SPATA18: variants seen among roughly 807,000 people sequenced by gnomAD.
The protein encoded by SPATA18 is spermatogenesis associated 18, also known as mitochondria-eating protein.
In SPATA18, 54 loss-of-function variants were observed where a neutral mutation model predicts 68.1. The observed-to-expected ratio is 0.79, with a 90% confidence interval of 0.64 to 0.99. The LOEUF (loss-of-function observed/expected upper bound fraction) is 0.99. Ranked by LOEUF, SPATA18 falls within the 50% of genes least tolerant of loss-of-function variation. The pLI is 0.00. For missense variants in SPATA18, 724 were observed against 681.1 expected, an observed-to-expected ratio of 1.06 and a Z score of -0.70; for synonymous variants, 242 against 244.8, an observed-to-expected ratio of 0.99 and a Z score of 0.11.
At chr4:52,060,016 T>C (rs1421396710) in intron 1 of SPATA18, among the ~76,000 whole-genome samples, 1 of 152,222 alleles carries the variant, frequency 6.6e-6, no homozygotes, top group African/African-American at 2.4e-5. Flanking sequence ...GACAATTCAG[T>C]GCAAGCATTC....
At chr4:52,073,261 T>A (rs949887352) in intron 6 of SPATA18, among the ~76,000 whole-genome samples, 9 of 152,196 alleles carry the variant, frequency 5.9e-5, no homozygotes, top group African/African-American at 2.2e-4. Flanking sequence ...CAACCCAACC[T>A]CCCTGACTGT....
intron 6 of SPATA18, among the ~76,000 whole-genome samples, 160 bp downstream of exon 6, chr4:52,072,316 C>T (rs1739934619): frequency 6.6e-6 from 1 of 152,156 alleles, no homozygotes; most frequent in Admixed American, 6.5e-5. Flanking sequence ...CTTAACTGCA[C>T]CCCTTCCAGA....
At chr4:52,064,311 A>G (rs1474413168) in intron 4 of SPATA18, among the ~76,000 whole-genome samples, 1 of 152,006 alleles carries the variant, frequency 6.6e-6, no homozygotes, top group African/African-American at 2.4e-5. Flanking sequence ...TTGGAGAACA[A>G]GTGGTATTTG....
At position 52,065,430 on chromosome 4, in the gene SPATA18, G is replaced by C. The variant is rs998637549; in HGVS notation, c.422+3098G>C. ...AGACTGTTTGTGGTTTCAGCTCTTAGATATAAGTCTTTGATCCATCTTGAG... is the reference window on the plus strand; with the variant it reads ...AGACTGTTTGTGGTTTCAGCTCTTACATATAAGTCTTTGATCCATCTTGAG... On this transcript the variant is annotated intron_variant, in intron 4 of 12. Coordinates refer to ENST00000295213, the MANE Select transcript of SPATA18 (RefSeq NM_145263.4). Among the ~76,000 whole-genome samples, 3 of 152,104 alleles carry C rather than the reference G, an allele frequency of 2.0e-5. No homozygotes were observed. The South Asian group carries it at 6.2e-4, about 32-fold the overall frequency.
intron 11 of SPATA18, among the ~76,000 whole-genome samples, chr4:52,090,862 A>T (rs1447172597): frequency 2.0e-5 from 3 of 152,046 alleles, no homozygotes; most frequent in South Asian, 2.1e-4. Context: ...TATCTCCTGG[A>T]TAATAACCTG....
At position 52,096,545 on chromosome 4, in the gene SPATA18, A is replaced by C. The variant is rs1053376843; in HGVS notation, c.*1658A>C. 4 of 152,194 alleles carry C rather than the reference A, an allele frequency of 2.6e-5. No individual in the cohort carries two copies. Among genetic ancestry groups the C allele is most frequent in the Non-Finnish European group, 5.9e-5 (4 of 68,042 alleles). The allele number at this position is 152,194 out of a possible 1,614,324, so 9.4% of individuals were successfully genotyped here. On this transcript the variant is annotated 3_prime_UTR_variant, in exon 13 of 13. Transcript: ENST00000295213. ...CCCTAACTATAATATAAAGCAGAAA[A>C]AAAGGCAACTTTTAATAAAATAAAA...
At chr4:52,084,132 A>T (rs1741209707) in intron 10 of SPATA18, among the ~76,000 whole-genome samples, 1 of 152,166 alleles carries the variant, frequency 6.6e-6, no homozygotes, top group South Asian at 2.1e-4. Flanking sequence ...TTCTACAATA[A>T]AACATACTTC....
chr4:52,060,121 GA>G (rs1351010658), intron 1 of SPATA18, among the ~76,000 whole-genome samples: 3 of 151,780 alleles, frequency 2.0e-5, no homozygotes, highest in Non-Finnish European at 4.4e-5. Context: ...GAAGGGAAAA[GA>G]AAAAAAAGTC....
At chr4:52,083,723 G>A (rs967651687) in intron 10 of SPATA18, among the ~76,000 whole-genome samples, 1 of 150,646 alleles carries the variant, frequency 6.6e-6, no homozygotes, top group African/African-American at 2.4e-5. Context: ...CAGCCTGGAT[G>A]ACAGAGTAAG....
At position 52,084,819 on chromosome 4, in the gene SPATA18, T is replaced by C. The variant is rs1039993297; in HGVS notation, c.1480-97T>C. On this transcript the variant is annotated intron_variant, in intron 10 of 12. Transcript: ENST00000295213. ...TAATGGGCAAGTGTAATCACATAAG[T>C]AAAACTCTTATTCTGTGGGATATGC... is the stretch of plus-strand genomic sequence containing the variant. 18 of 1,195,710 alleles carry C rather than the reference T, an allele frequency of 1.5e-5. No homozygotes were observed. In the Middle Eastern group the frequency reaches 5.8e-4, roughly 38 times the overall value. The allele number at this position is 1,195,710 out of a possible 1,614,324, so 74.1% of individuals were successfully genotyped here.
In SPATA18 at chr4:52,060,439, T is replaced by C; in HGVS notation, c.108T>C (p.Asn36=). 6.2e-7 allele frequency: 1 copy of C among 1,613,998 alleles called. No individual in the cohort carries two copies. Residue 36 remains asparagine (N), a synonymous_variant, in exon 2 of 13, where the codon AAT becomes AAC. Transcript: ENST00000295213. ...TGCAGACAAACACGTGTGATCAAAA[T>C]CTAAACCATTGCCTTGAACTCATTG... ...KEYNTNTCDQ[N]LNHCLELIEQ...
chr4:52,064,800 G>T (rs1231836942), intron 4 of SPATA18, among the ~76,000 whole-genome samples: 2 of 152,076 alleles, frequency 1.3e-5, no homozygotes, highest in African/African-American at 4.8e-5. Context: ...TGCAGTAGTG[G>T]GATTGCTGGA....
At chr4:52,079,619 T>TCTGCTTTAA (rs1304079851) in intron 8 of SPATA18, 125 bp from the exon 9 acceptor site, 223 of 1,100,656 alleles carry the variant, frequency 2.0e-4, no homozygotes, top group Non-Finnish European at 2.8e-4. Context: ...TCACTGTTTT[T>TCTGCTTTAA]CTGCTTTAAC....
intron 8 of SPATA18, among the ~76,000 whole-genome samples, 186 bp downstream of exon 8, chr4:52,079,079 T>G (rs1395834339): frequency 6.6e-6 from 1 of 152,158 alleles, no homozygotes; most frequent in Non-Finnish European, 1.5e-5. Context: ...TTAAACATAT[T>G]ATAGGGAAAA....
chr4:52,057,194 A>G (rs1284372960), intron 1 of SPATA18, among the ~76,000 whole-genome samples: 1 of 151,336 alleles, frequency 6.6e-6, no homozygotes, highest in East Asian at 1.9e-4. Flanking sequence ...TTTTTTTTTA[A>G]TATAGCTTTG....
chr4:52,051,785 G>C lies in SPATA18; in HGVS notation c.81G>C (p.Glu27Asp). ...AAAAGCTAGACTTCTGGCTGAAGGAGTACAACGTGAGTCTGGGTGAAAAAC... is the reference window on the plus strand; with the variant it reads ...AAAAGCTAGACTTCTGGCTGAAGGACTACAACGTGAGTCTGGGTGAAAAAC... ...LQEKLDFWLK[E>D]YNTNTCDQNL... The change falls in exon 1 of 13, where the codon GAG (glutamate) becomes GAC (aspartate). Residue 27 changes from glutamate (E) to aspartate (D), a missense_variant. Coordinates refer to ENST00000295213, the MANE Select transcript of SPATA18 (RefSeq NM_145263.4). The C allele has an allele frequency of 6.2e-7, 1 of 1,614,154 alleles. No homozygotes were observed. Among genetic ancestry groups the C allele is most frequent in the Non-Finnish European group, 8.5e-7 (1 of 1,179,990 alleles).
intron 1 of SPATA18, among the ~76,000 whole-genome samples, chr4:52,060,124 A>G (rs551891461): frequency 3.9e-5 from 6 of 152,330 alleles, no homozygotes; most frequent in Admixed American, 1.3e-4. Context: ...GGGAAAAGAA[A>G]AAAAAGTCAT....
At chr4:52,068,873 T>G (rs1739556332) in intron 4 of SPATA18, among the ~76,000 whole-genome samples, 1 of 152,146 alleles carries the variant, frequency 6.6e-6, no homozygotes, top group Non-Finnish European at 1.5e-5. Flanking sequence ...CACTTCCATT[T>G]TTTTTTTGGA....
In SPATA18 at chr4:52,096,579, A is replaced by G. The variant is rs1271308812; in HGVS notation, c.*1692A>G. Reference sequence around the variant, plus strand: ...CTTTTAATAAAATAAAATGTATTTCAATAAAAAAGCTTGGGTATAACCACC... The same window carrying G: ...CTTTTAATAAAATAAAATGTATTTCGATAAAAAAGCTTGGGTATAACCACC... On this transcript the variant is annotated 3_prime_UTR_variant, in exon 13 of 13. Coordinates refer to ENST00000295213, the MANE Select transcript of SPATA18 (RefSeq NM_145263.4). 1.3e-5 allele frequency: 2 copies of G among 152,200 alleles called. No homozygotes were observed. Among genetic ancestry groups the G allele is most frequent in the African/African-American group, 4.8e-5 (2 of 41,460 alleles). 9.4% of individuals were successfully genotyped at this position (152,200 alleles called of 1,614,324 possible). A position where few individuals can be genotyped will look rare whatever the true frequency, so the allele number is the denominator to read the frequency against.
Sources: gnomAD v4.1 joint callset for allele counts (sites outside exome capture counted in the v4.1 genomes callset) on GRCh38, gnomAD v4.1.1 for gene constraint, MANE v1.5 for transcripts, NCBI Gene and HGNC (gene_info 2026-07-23, HGNC 2026-07-21) for gene names.